SEC14L3: variants seen among roughly 807,000 people sequenced by gnomAD.
SEC14L3 encodes the protein SEC14 like lipid binding 3, also known as SEC14-like protein 3.
A neutral mutation model predicts 57.4 loss-of-function variants in SEC14L3; 56 were observed. The observed-to-expected ratio is 0.97, with a 90% CI of 0.79 to 1.22. The LOEUF is 1.22. Ranked by LOEUF, SEC14L3 falls within the 50% of genes most tolerant of loss-of-function variation. The probability of loss-of-function intolerance (pLI) is 0.00; values close to 1 mark genes in which losing one functional copy is unlikely to be tolerated. For synonymous variants in SEC14L3, 173 were observed against 194.4 expected, an observed-to-expected ratio of 0.89 and a Z score of 0.92; for missense variants, 485 against 511.7, an observed-to-expected ratio of 0.95 and a Z score of 0.50.
chr22:30,455,119 T>TATATTTAATATTA (rs1569225650), downstream of SEC14L3, among the ~76,000 whole-genome samples: 542 of 77,746 alleles, frequency 7.0e-3, 6 homozygotes, highest in African/African-American at 0.033. Context: ...ATTTAATATT[T>TATATTTAATATTA]AATATATATT....
chr22:30,452,696 T>G (rs1246577470), intron 12 of SEC14L3, among the ~76,000 whole-genome samples: 1 of 150,858 alleles, frequency 6.6e-6, no homozygotes, highest in Non-Finnish European at 1.5e-5. Context: ...ATAAAAGCTC[T>G]TCCTCTTTCT....
At chr22:30,458,835 CTACAAAAAAA>C (rs984778611), downstream of SEC14L3, among the ~76,000 whole-genome samples, 4 of 125,198 alleles carry the variant, frequency 3.2e-5, no homozygotes, top group Non-Finnish European at 4.8e-5. Context: ...AACCCCATCT[CTACAAAAAAA>C]TACAAAAAAA....
intron 12 of SEC14L3, among the ~76,000 whole-genome samples, chr22:30,452,217 G>A (rs183721160): frequency 2.3e-4 from 34 of 149,462 alleles, no homozygotes; most frequent in Non-Finnish European, 5.9e-5. Context: ...ATAACTGCAC[G>A]TGCTCAAGGA....
rs371466109 is a variant in SEC14L3, at chr22:30,465,857, C to T, written c.580+477G>A. Reference sequence around the variant, plus strand: ...AAACATCCATCCATCCTTTCATCTACCCACAACAATTACCCAAATACCTAT... The same window carrying T: ...AAACATCCATCCATCCTTTCATCTATCCACAACAATTACCCAAATACCTAT... On this transcript the variant is annotated intron_variant, in intron 7 of 11. Coordinates refer to ENST00000215812, the MANE Select transcript of SEC14L3 (RefSeq NM_174975.5). Among the ~76,000 whole-genome samples the T allele has an allele frequency of 5.9e-5, 9 of 152,218 alleles. No individual in the cohort carries two copies. The East Asian group carries it at 1.2e-3, about 20-fold the overall frequency.
At chr22:30,462,333 C>T in intron 8 of SEC14L3, 141 bp from the exon 9 acceptor site, 2 of 1,292,944 alleles carry the variant, frequency 1.5e-6, no homozygotes, top group Non-Finnish European at 2.1e-6. Context: ...TGTCCTAGGC[C>T]TGGGGCTACA....
chr22:30,447,971 C>T (rs908678478), exon 13 of SEC14L3: 4 of 151,212 alleles, frequency 2.6e-5, no homozygotes, highest in Non-Finnish European at 5.9e-5. Flanking sequence ...TGATGGCTGC[C>T]CCCAAGGGTC....
chr22:30,467,406 T>C (rs1282791186), intron 5 of SEC14L3, among the ~76,000 whole-genome samples: 2 of 152,120 alleles, frequency 1.3e-5, no homozygotes, highest in African/African-American at 2.4e-5. Context: ...ATAATATAAA[T>C]ATAAACTGAT....
At chr22:30,449,514 C>T (rs940694011) in intron 12 of SEC14L3, among the ~76,000 whole-genome samples, 8 of 152,064 alleles carry the variant, frequency 5.3e-5, no homozygotes, top group African/African-American at 1.9e-4. Context: ...ATTACAGAAG[C>T]TCCCCAAGGG....
At chr22:30,461,531 T>C (rs1335384997) in intron 10 of SEC14L3, 24 bp downstream of exon 10, 1 of 1,613,422 alleles carries the variant, frequency 6.2e-7, no homozygotes, top group Non-Finnish European at 8.5e-7. Context: ...GATGGGTCTC[T>C]GAGGGGTTAG....
intron 2 of SEC14L3, 90 bp downstream of exon 2, chr22:30,470,417 A>T (rs1935567514): frequency 3.1e-6 from 5 of 1,604,086 alleles, no homozygotes; most frequent in Non-Finnish European, 4.3e-6. Context: ...GTGTGGATGG[A>T]CCCTGAGAGC....
At position 30,462,194 on chromosome 22, in the gene SEC14L3, T is replaced by C. The variant is rs1162583560; in HGVS notation, c.665-2A>G. The stretch of plus-strand genomic sequence containing the variant: ...TCAGCAAACCTTCCTTCCAGTTATC[T>C]GGGAGCAGTGGGATTCAAGGGTGGT... On this transcript the variant is annotated splice_acceptor_variant, in intron 8 of 11. Transcript: ENST00000215812. LOFTEE classifies it high-confidence loss of function. 3.7e-6 allele frequency: 6 copies of C among 1,611,186 alleles called. No homozygotes were observed. The highest frequency in any genetic ancestry group is 5.1e-6 in the Non-Finnish European group (6 of 1,178,552).
Position 30,470,570 on chromosome 22 carries a change from C to A in SEC14L3, c.67G>T (p.Val23Phe), listed in dbSNP as rs770146487. 21 of 1,614,034 alleles carry A rather than the reference C, an allele frequency of 1.3e-5. No individual in the cohort carries two copies. The highest frequency in any genetic ancestry group is 1.7e-5 in the Non-Finnish European group (20 of 1,180,026). Residue 23 changes from valine to phenylalanine, a missense_variant, in exon 2 of 12, where the codon GTC becomes TTC. Physicochemically the swap from Val to Phe is conservative, Grantham distance 50 (BLOSUM62 -1). Coordinates refer to ENST00000215812, the MANE Select transcript of SEC14L3 (RefSeq NM_174975.5). ...AETLAKFRENVQDVLPALPNP... is the reference protein window; with the variant it reads ...AETLAKFRENFQDVLPALPNP... ...GGCAGGGCAGGAAGCACATCCTGGACGTTTTCTCGGAACTGGCAAGAGAGA... is the reference window on the plus strand; with the variant it reads ...GGCAGGGCAGGAAGCACATCCTGGAAGTTTTCTCGGAACTGGCAAGAGAGA...
At chr22:30,460,299 G>A in intron 11 of SEC14L3, 157 bp from the exon 12 acceptor site, 3 of 985,070 alleles carry the variant, frequency 3.0e-6, no homozygotes, top group Non-Finnish European at 3.6e-6. Flanking sequence ...CATGGGAACT[G>A]CCAACCCAAG....
downstream of SEC14L3, among the ~76,000 whole-genome samples, chr22:30,457,377 CT>C (rs60894978): frequency 2.9e-4 from 39 of 136,630 alleles, no homozygotes; most frequent in South Asian, 4.5e-4. Context: ...TTAAGTATGT[CT>C]TTTTTTTTTT....
In SEC14L3 at chr22:30,470,285, C is replaced by G. The variant is rs73881463; in HGVS notation, c.131-30G>C. 2.7e-4 allele frequency: 435 copies of G among 1,609,614 alleles called. 1 individual carries two copies. In the Middle Eastern group the frequency reaches 3.0e-3, roughly 11 times the overall value. On this transcript the variant is annotated intron_variant, in intron 2 of 11. Coordinates refer to ENST00000215812, the MANE Select transcript of SEC14L3 (RefSeq NM_174975.5). ...GGGAAAACAGAAGGAAGGTGTGAGA[C>G]AGGAAAGATGCCTTGTCTTACTCCT...
At chr22:30,471,150 T>C (rs1293711231) in intron 1 of SEC14L3, 2 of 357,346 alleles carry the variant, frequency 5.6e-6, no homozygotes, top group Non-Finnish European at 1.1e-5. Context: ...CCAGGTGTGG[T>C]GGCACATGCC....
intron 12 of SEC14L3, among the ~76,000 whole-genome samples, chr22:30,450,192 A>C (rs928665285): frequency 1.3e-5 from 2 of 152,172 alleles, no homozygotes; most frequent in Admixed American, 1.3e-4. Context: ...GGGGGCATGG[A>C]GTCCAGGACG....
In SEC14L3 at chr22:30,470,096, G is replaced by A. The variant is rs754900888; in HGVS notation, c.175-18C>T. 6.2e-6 allele frequency: 10 copies of A among 1,606,214 alleles called. No individual in the cohort carries two copies. The East Asian group carries it at 2.0e-4, about 32-fold the overall frequency. On this transcript the variant is annotated intron_variant, in intron 3 of 11. Transcript: ENST00000215812. ...TCCATGTACTGAAAGGGAAATGAGTGGTAAGATCCCACTGGGCTCCCAGTG... is the reference window on the plus strand; with the variant it reads ...TCCATGTACTGAAAGGGAAATGAGTAGTAAGATCCCACTGGGCTCCCAGTG...
At position 30,460,067 on chromosome 22, in the gene SEC14L3, G is replaced by C. The variant is rs1414627783; in HGVS notation, c.1157C>G (p.Pro386Arg). 4.3e-6 allele frequency: 7 copies of C among 1,614,048 alleles called. No homozygotes were observed. The Admixed American group carries it at 8.3e-5, about 19-fold the overall frequency. ...KVSFTVEVLL[P>R]DEGMQKYDKE... ...ATCATATTTCTGCATGCCCTCGTCA[G>C]GGAGCAGGACCTCCACTGTGAAGCT... The change falls in exon 12 of 12, where the codon CCT becomes CGT. Residue 386 changes from proline (P) to arginine (R), a missense_variant. Physicochemically the swap from Pro to Arg is moderately radical, Grantham distance 103. Coordinates refer to ENST00000215812, the MANE Select transcript of SEC14L3 (RefSeq NM_174975.5).
Sources: gnomAD v4.1 joint callset for allele counts (sites outside exome capture counted in the v4.1 genomes callset) on GRCh38, gnomAD v4.1.1 for gene constraint, MANE v1.5 for transcripts, NCBI Gene and HGNC (gene_info 2026-07-23, HGNC 2026-07-21) for gene names.